Variants in RYR3 observed in about 807,000 individuals in gnomAD.
The protein encoded by RYR3 is brain ryanodine receptor-calcium release channel.
A neutral mutation model predicts 584.3 loss-of-function variants in RYR3; 207 were observed. The observed-to-expected ratio is 0.35, with a 90% confidence interval of 0.32 to 0.40. The LOEUF (loss-of-function observed/expected upper bound fraction) is 0.40, where lower values mean the gene tolerates loss of function less well. RYR3 is among the 10% of genes least tolerant of loss of function. The pLI is 1.00. For missense variants in RYR3, 5,616 were observed against 6,089.2 expected, an observed-to-expected ratio of 0.92 and a Z score of 2.59; for synonymous variants, 2,416 against 2,248.5, an observed-to-expected ratio of 1.07 and a Z score of -2.11.
At chr15:33,453,906 A>C (rs2047336556) in intron 1 of RYR3, among the ~76,000 whole-genome samples, 1 of 152,162 alleles carries the variant, frequency 6.6e-6, no homozygotes. Context: ...TTTTCTTTTC[A>C]TTGGGTCCTT....
intron 3 of RYR3, among the ~76,000 whole-genome samples, chr15:33,507,153 T>A (rs60209539): frequency 0.025 from 3,793 of 152,360 alleles, 165 homozygotes; most frequent in African/African-American, 0.086. Flanking sequence ...TGGACATTTT[T>A]AAAAATGACT....
intron 1 of RYR3, among the ~76,000 whole-genome samples, chr15:33,460,658 A>T (rs2142064686): frequency 6.6e-6 from 1 of 152,358 alleles, no homozygotes; most frequent in Admixed American, 6.5e-5. Context: ...AATTAACAAA[A>T]GAAATCGCCG....
intron 1 of RYR3, among the ~76,000 whole-genome samples, chr15:33,347,246 T>C (rs1215570669): frequency 1.3e-5 from 2 of 152,164 alleles, no homozygotes; most frequent in Non-Finnish European, 2.9e-5. Flanking sequence ...TCCACCTGTT[T>C]AAGGGCAGAG....
chr15:33,554,644 T>G (rs1019103982), intron 10 of RYR3, among the ~76,000 whole-genome samples: 3 of 152,182 alleles, frequency 2.0e-5, no homozygotes, highest in African/African-American at 7.2e-5. Flanking sequence ...GTGTAATCAT[T>G]TTGCTACTGT....
chr15:33,321,108 G>A (rs914411277), intron 1 of RYR3, among the ~76,000 whole-genome samples: 1 of 152,154 alleles, frequency 6.6e-6, no homozygotes, highest in African/African-American at 2.4e-5. Context: ...AATTCCTCAC[G>A]TCAATAGATG....
intron 20 of RYR3, among the ~76,000 whole-genome samples, chr15:33,626,835 T>C (rs534953560): frequency 2.0e-5 from 3 of 152,268 alleles, no homozygotes; most frequent in South Asian, 2.1e-4. Context: ...AAGTCAAGAA[T>C]TGAGGTTTGG....
intron 54 of RYR3, 51 bp downstream of exon 54, chr15:33,748,311 A>G: frequency 1.2e-6 from 2 of 1,601,134 alleles, no homozygotes; most frequent in Non-Finnish European, 8.5e-7. Context: ...AGCCATGGAG[A>G]ATCTGGGAAT....
intron 65 of RYR3, among the ~76,000 whole-genome samples, chr15:33,783,085 G>A (rs916782492): frequency 6.6e-6 from 1 of 152,216 alleles, no homozygotes; most frequent in African/African-American, 2.4e-5. Flanking sequence ...GCTAAAGTGA[G>A]GCACACAAGA....
intron 4 of RYR3, among the ~76,000 whole-genome samples, chr15:33,532,735 C>G (rs1453735529): frequency 6.6e-6 from 1 of 152,184 alleles, no homozygotes; most frequent in Non-Finnish European, 1.5e-5. Context: ...TTTAATATTT[C>G]TAACTCATTT....
At chr15:33,367,330 C>CT (rs1003636674) in intron 1 of RYR3, among the ~76,000 whole-genome samples, 1 of 152,152 alleles carries the variant, frequency 6.6e-6, no homozygotes, top group Admixed American at 6.5e-5. Flanking sequence ...CACTTTCTTC[C>CT]TTTTTTTCCT....
At chr15:33,576,033 A>G (rs1332925849) in intron 12 of RYR3, among the ~76,000 whole-genome samples, 5 of 152,178 alleles carry the variant, frequency 3.3e-5, no homozygotes, top group Non-Finnish European at 7.4e-5. Context: ...ATTCCTGGAC[A>G]TATACACCCT....
chr15:33,492,291 G>T (rs2051028403), intron 2 of RYR3, among the ~76,000 whole-genome samples: 1 of 152,116 alleles, frequency 6.6e-6, no homozygotes, highest in South Asian at 2.1e-4. Flanking sequence ...GTTCTCTGTG[G>T]AGAGATACAA....
intron 18 of RYR3, among the ~76,000 whole-genome samples, chr15:33,612,205 C>T (rs2060229037): frequency 6.6e-6 from 1 of 152,148 alleles, no homozygotes; most frequent in African/African-American, 2.4e-5. Flanking sequence ...TGATTTTCCT[C>T]ACTACTTTAA....
chr15:33,406,825 G>T lies in RYR3; in HGVS notation c.52-66594G>T, dbSNP rs532157375. On this transcript the variant is annotated intron_variant, in intron 1 of 103. Coordinates refer to ENST00000634891, the MANE Select transcript of RYR3 (RefSeq NM_001036.6). ...GCCAGATCCTAGTCTAGATTCTGAG[G>T]ATAAAGCAAAGTTCCTACCTGAATT... is the stretch of plus-strand genomic sequence containing the variant. Among the ~76,000 whole-genome samples, 3 of 152,278 alleles carry T rather than the reference G, an allele frequency of 2.0e-5. No individual in the cohort carries two copies. In the East Asian group the frequency reaches 5.8e-4, roughly 29 times the overall value.
intron 16 of RYR3, among the ~76,000 whole-genome samples, chr15:33,591,387 G>T (rs1219535470): frequency 6.6e-6 from 1 of 152,086 alleles, no homozygotes; most frequent in Non-Finnish European, 1.5e-5. Flanking sequence ...GACTGTCTTT[G>T]TAATCCTCAT....
intron 1 of RYR3, among the ~76,000 whole-genome samples, chr15:33,312,497 A>T (rs1186278070): frequency 2.0e-5 from 3 of 152,060 alleles, no homozygotes. Flanking sequence ...CACACTGCAC[A>T]CAAGATGGCC....
Position 33,699,708 on chromosome 15 carries a change from C to T in RYR3, c.6254C>T (p.Ala2085Val), listed in dbSNP as rs754668500. 9.3e-6 allele frequency: 15 copies of T among 1,613,344 alleles called. No individual in the cohort carries two copies. Among genetic ancestry groups the T allele is most frequent in the African/African-American group, 1.3e-5 (1 of 74,922 alleles). Residue 2085 changes from alanine to valine, a missense_variant, in exon 41 of 104, where the codon GCA becomes GTA. Ala to Val is a moderately conservative substitution (Grantham distance 64). This residue lies in a region of RYR3 where 1,280 missense variants were observed against 1,426.2 expected (regional missense o/e 0.90). Transcript: ENST00000634891. ...NVLGTEKSQI[A>V]FPKMVASCCR... ...ACTTTCTACTTCTCCCTACAGATTG[C>T]ATTTCCAAAGATGGTTGCTAGCTGC...
At chr15:33,614,580 A>G (rs1243658762) in intron 19 of RYR3, among the ~76,000 whole-genome samples, 1 of 152,070 alleles carries the variant, frequency 6.6e-6, no homozygotes, top group African/African-American at 2.4e-5. Flanking sequence ...GCTTTTTCCA[A>G]CACAGTATTT....
At chr15:33,763,511 A>G (rs1017069104) in intron 60 of RYR3, among the ~76,000 whole-genome samples, 2 of 152,212 alleles carry the variant, frequency 1.3e-5, no homozygotes, top group Admixed American at 6.5e-5. Context: ...AAACATATGA[A>G]AAAAGCTCAT....
Sources: gnomAD v4.1 joint callset for allele counts (sites outside exome capture counted in the v4.1 genomes callset) on GRCh38, gnomAD v4.1.1 for gene constraint, gnomAD v4.1.1 regional missense constraint, MANE v1.5 for transcripts, NCBI Gene and HGNC (gene_info 2026-07-23, HGNC 2026-07-21) for gene names.